The following STK3 variants were observed in gnomAD, a reference collection of about 807,000 sequenced individuals.
STK3 encodes the protein serine/threonine kinase 3, also known as serine/threonine-protein kinase 3.
In STK3, 41 loss-of-function variants were observed where a neutral mutation model predicts 58.0. The observed-to-expected ratio is 0.71, with a 90% CI of 0.55 to 0.92. STK3 has a LOEUF of 0.92. STK3 is among the 40% of genes least tolerant of loss of function. The pLI is 0.00. For missense variants in STK3, 479 were observed against 602.7 expected (o/e 0.79, Z 2.15); for synonymous variants, 170 against 191.0 (o/e 0.89, Z 0.91).
chr8:98,553,592 C>A (rs778759848), intron 8 of STK3, among the ~76,000 whole-genome samples: 1 of 152,062 alleles, frequency 6.6e-6, no homozygotes. Context: ...CCATTAACTA[C>A]AATTATTCAG....
intron 2 of STK3, among the ~76,000 whole-genome samples, chr8:98,774,418 C>T (rs1039317416): frequency 9.9e-5 from 15 of 152,176 alleles, no homozygotes; most frequent in African/African-American, 3.6e-4. Context: ...CTTATGGTCA[C>T]TTGCCTAACA....
chr8:98,926,960 G>A (rs371576728), intron 1 of STK3, among the ~76,000 whole-genome samples: 161 of 152,336 alleles, frequency 1.1e-3, no homozygotes, highest in African/African-American at 3.6e-3. Flanking sequence ...CATGGGGCCC[G>A]AATGCAGACT....
intron 3 of STK3, chr8:98,429,044 C>T (rs760805609): frequency 1.1e-5 from 18 of 1,613,180 alleles, no homozygotes; most frequent in Admixed American, 3.3e-5. Context: ...AGGAGGAGAA[C>T]GAGGGCCTGG....
chr8:98,381,988 T>C (rs973497874), intron 1 of STK3, among the ~76,000 whole-genome samples: 1 of 152,258 alleles, frequency 6.6e-6, no homozygotes, highest in Admixed American at 6.5e-5. Context: ...GTGTTGAGTT[T>C]TTTGTCACCT....
chr8:98,848,925 T>G (rs956310344), intron 3 of STK3, among the ~76,000 whole-genome samples: 5 of 152,114 alleles, frequency 3.3e-5, no homozygotes, highest in African/African-American at 1.2e-4. Context: ...GGCTGTAATT[T>G]TCTTGAAATT....
At chr8:98,914,430 T>A (rs777879362) in intron 1 of STK3, among the ~76,000 whole-genome samples, 1 of 151,750 alleles carries the variant, frequency 6.6e-6, no homozygotes, top group Non-Finnish European at 1.5e-5. Context: ...TGAAAAAACC[T>A]GTAAGCTACA....
At chr8:98,684,606 C>A (rs1039198530) in intron 6 of STK3, among the ~76,000 whole-genome samples, 2 of 152,148 alleles carry the variant, frequency 1.3e-5, no homozygotes, top group South Asian at 4.1e-4. Flanking sequence ...CCCTTTTGAT[C>A]TTCAAAAAGA....
chr8:98,875,783 C>T (rs956596254), intron 3 of STK3: 1 of 152,126 alleles, frequency 6.6e-6, no homozygotes, highest in African/African-American at 2.4e-5. Flanking sequence ...AAACACTGTG[C>T]CAAATATATG....
At chr8:98,667,708 A>G (rs1822475666) in intron 6 of STK3, among the ~76,000 whole-genome samples, 1 of 152,110 alleles carries the variant, frequency 6.6e-6, no homozygotes, top group Non-Finnish European at 1.5e-5. Context: ...TGCTGTTTTA[A>G]AAATAAAAAA....
chr8:98,585,576 C>T (rs1159130412), intron 7 of STK3, among the ~76,000 whole-genome samples: 85 of 147,676 alleles, frequency 5.8e-4, no homozygotes, highest in African/African-American at 1.8e-3. Flanking sequence ...CTTGGCGATG[C>T]GGGCTCTTTT....
At chr8:98,548,494 C>T (rs186366181) in intron 8 of STK3, among the ~76,000 whole-genome samples, 52 of 152,120 alleles carry the variant, frequency 3.4e-4, no homozygotes, top group Middle Eastern at 3.4e-3. Context: ...TATGAGAGCA[C>T]CTTTAAGACA....
At chr8:98,563,097 A>T (rs1220402891) in intron 8 of STK3, among the ~76,000 whole-genome samples, 3 of 152,174 alleles carry the variant, frequency 2.0e-5, no homozygotes, top group Non-Finnish European at 4.4e-5. Flanking sequence ...TACTAACCTA[A>T]GTAACTTTGG....
At chr8:98,903,406 T>C (rs1379868698) in intron 1 of STK3, among the ~76,000 whole-genome samples, 1 of 152,194 alleles carries the variant, frequency 6.6e-6, no homozygotes, top group Non-Finnish European at 1.5e-5. Context: ...ATGCTCTTTT[T>C]AGTAGTCAAA....
chr8:98,770,249 C>CA (rs1831217409), intron 2 of STK3, among the ~76,000 whole-genome samples: 1 of 152,146 alleles, frequency 6.6e-6, no homozygotes, highest in Admixed American at 6.5e-5. Flanking sequence ...ACTCCACCAC[C>CA]ACTTATTGCT....
intron 3 of STK3, among the ~76,000 whole-genome samples, chr8:98,763,471 TA>T (rs1314204678): frequency 2.6e-5 from 4 of 152,228 alleles, no homozygotes; most frequent in African/African-American, 9.6e-5. Context: ...CTGAATGTAT[TA>T]AGAAAATAGT....
intron 3 of STK3, among the ~76,000 whole-genome samples, chr8:98,878,246 T>G (rs1015830867): frequency 6.6e-6 from 1 of 152,072 alleles, no homozygotes; most frequent in Non-Finnish European, 1.5e-5. Context: ...AAAGACTGGG[T>G]TTCCCCATGT....
intron 1 of STK3, among the ~76,000 whole-genome samples, chr8:98,789,047 A>T (rs1832647115): frequency 6.6e-6 from 1 of 152,228 alleles, no homozygotes; most frequent in Non-Finnish European, 1.5e-5. Context: ...GAAAACTGAA[A>T]TAATATCAAG....
intron 1 of STK3, among the ~76,000 whole-genome samples, chr8:98,918,179 G>A (rs1272404021): frequency 1.3e-5 from 2 of 152,158 alleles, no homozygotes; most frequent in Non-Finnish European, 2.9e-5. Context: ...AGCACTAGAA[G>A]AGATAACGTG....
intron 1 of STK3, among the ~76,000 whole-genome samples, chr8:98,824,220 A>G (rs1219618645): frequency 6.6e-6 from 1 of 152,240 alleles, no homozygotes; most frequent in African/African-American, 2.4e-5. Context: ...AAGTCTGTTA[A>G]AAGTGCAACC....
Sources: gnomAD v4.1 joint callset for allele counts (sites outside exome capture counted in the v4.1 genomes callset) on GRCh38, gnomAD v4.1.1 for gene constraint, MANE v1.5 for transcripts, NCBI Gene and HGNC (gene_info 2026-07-23, HGNC 2026-07-21) for gene names.